KANK2: variants seen among roughly 807,000 people sequenced by gnomAD.
KANK2 encodes KN motif and ankyrin repeat domains 2.
A neutral mutation model predicts 74.6 loss-of-function variants in KANK2; 41 were observed. That is an observed-to-expected ratio of 0.55 (90% CI 0.43 to 0.71). KANK2 has a LOEUF of 0.71. Ranked by LOEUF, KANK2 falls within the 30% of genes least tolerant of loss-of-function variation. The pLI is 0.00. For synonymous variants in KANK2, 537 were observed against 519.0 expected (o/e 1.03, Z -0.47); for missense variants, 1,148 against 1,196.4 (o/e 0.96, Z 0.60).
chr19:11,182,523 C>T (rs2078550764), intron 4 of KANK2, among the ~76,000 whole-genome samples: 1 of 137,702 alleles, frequency 7.3e-6, no homozygotes, highest in African/African-American at 2.7e-5. Context: ...GAGACCCTAT[C>T]TTTAAAAAAA....
At chr19:11,192,530 G>T in intron 4 of KANK2, 1 of 362,760 alleles carries the variant, frequency 2.8e-6, no homozygotes, top group South Asian at 2.1e-5. Flanking sequence ...CGCTTCCCTA[G>T]TTCAAGCGAT....
intron 6 of KANK2, among the ~76,000 whole-genome samples, chr19:11,177,084 C>T (rs1467075059): frequency 6.8e-6 from 1 of 147,246 alleles, no homozygotes. Context: ...TTCTAGCATA[C>T]TCACCCTCCT....
chr19:11,184,362 C>T (rs915503448), intron 4 of KANK2, among the ~76,000 whole-genome samples: 2 of 145,650 alleles, frequency 1.4e-5, no homozygotes, highest in Non-Finnish European at 3.1e-5. Context: ...GATGACAGAG[C>T]GAAACTCTGT....
rs149142528 is a variant in KANK2 at position 11,178,631 on chromosome 19, C to T, written c.1339G>A (p.Val447Met). The T allele has an allele frequency of 2.7e-3, 4,248 of 1,594,856 alleles. 77 individuals carry two copies. The African/African-American group carries it at 0.048, about 18-fold the overall frequency. The change falls in exon 5 of 13, where the codon GTG (valine) becomes ATG (methionine). Residue 447 changes from valine to methionine, a missense_variant. Physicochemically the swap from Val to Met is conservative, Grantham distance 21. Transcript: ENST00000586659. ...LTQPEKSTGRVPTQEPTHREP... is the reference protein window; with the variant it reads ...LTQPEKSTGRMPTQEPTHREP... ...CTGTGGGTGGGCTCCTGGGTGGGCA[C>T]TCGGCCTGTGCTCTTCTCAGGCTGT...
At chr19:11,173,610 G>C (rs769435122) in intron 9 of KANK2, among the ~76,000 whole-genome samples, 5 of 152,182 alleles carry the variant, frequency 3.3e-5, no homozygotes, top group African/African-American at 4.8e-5. Context: ...CATCATGCAG[G>C]CGTGTTAGGT....
chr19:11,191,518 C>A (rs1040936598), intron 4 of KANK2, among the ~76,000 whole-genome samples: 3 of 152,226 alleles, frequency 2.0e-5, no homozygotes, highest in East Asian at 1.9e-4. Context: ...TCCCCTACCC[C>A]CGGCGTCCAT....
intron 9 of KANK2, 69 bp from the exon 10 acceptor site, chr19:11,173,192 A>AT: frequency 4.0e-6 from 6 of 1,515,642 alleles, no homozygotes; most frequent in Non-Finnish European, 5.4e-6. Context: ...GAACGTGGAT[A>AT]CCACGTCTCG....
chr19:11,194,248 C>G (rs2078951590), intron 3 of KANK2, among the ~76,000 whole-genome samples: 1 of 152,086 alleles, frequency 6.6e-6, no homozygotes, highest in Non-Finnish European at 1.5e-5. Context: ...CCTCTCAAAT[C>G]CCCCAGGACA....
intron 12 of KANK2, among the ~76,000 whole-genome samples, chr19:11,168,585 T>C (rs1038820147): frequency 6.6e-6 from 1 of 152,082 alleles, no homozygotes; most frequent in Non-Finnish European, 1.5e-5. Flanking sequence ...CCTGATTGTG[T>C]CTCTTACCAG....
chr19:11,186,785 G>A (rs766469406), intron 4 of KANK2, among the ~76,000 whole-genome samples: 2 of 152,200 alleles, frequency 1.3e-5, no homozygotes, highest in Non-Finnish European at 2.9e-5. Flanking sequence ...ACCGGAGCAC[G>A]GTGTTAGGAG....
At position 11,192,431 on chromosome 19, in the gene KANK2, C is replaced by CTTTTT. The variant is rs34285924; in HGVS notation, c.1249+395_1249+399dup. On this transcript the variant is annotated intron_variant, in intron 4 of 12. Transcript: ENST00000586659. The stretch of plus-strand genomic sequence containing the variant: ...GGGGCTGGGGCTGGACCTTGGCATT[C>CTTTTT]TTTTTTTTTTTTTTTTTTTTTGAGA... 4.8e-4 allele frequency: 77 copies of CTTTTT among 159,908 alleles called. 5 individuals carry two copies. Among genetic ancestry groups the CTTTTT allele is most frequent in the Admixed American group, 7.8e-4 (9 of 11,540 alleles). 9.9% of individuals were successfully genotyped at this position (159,908 alleles called of 1,614,324 possible). A position where few individuals can be genotyped will look rare whatever the true frequency, so the allele number is the denominator to read the frequency against.
At chr19:11,174,389 G>T (rs1568643636) in intron 9 of KANK2, 84 bp downstream of exon 9, 1 of 1,087,798 alleles carries the variant, frequency 9.2e-7, no homozygotes, top group African/African-American at 1.6e-5. Context: ...CATCAGATGG[G>T]GAGGGCAGTG....
At chr19:11,187,764 C>T (rs575057339) in intron 4 of KANK2, among the ~76,000 whole-genome samples, 42 of 152,210 alleles carry the variant, frequency 2.8e-4, no homozygotes, top group Non-Finnish European at 4.7e-4. Flanking sequence ...TAAATATGTG[C>T]ATTTTTTTGC....
At chr19:11,175,549 G>A (rs1022547129) in intron 8 of KANK2, among the ~76,000 whole-genome samples, 1 of 150,186 alleles carries the variant, frequency 6.7e-6, no homozygotes, top group African/African-American at 2.5e-5. Flanking sequence ...GCCTCCCAAA[G>A]CACCAGGATG....
At chr19:11,168,614 G>A (rs2078089251) in intron 12 of KANK2, among the ~76,000 whole-genome samples, 1 of 152,126 alleles carries the variant, frequency 6.6e-6, no homozygotes, top group South Asian at 2.1e-4. Flanking sequence ...CTCCATAAGG[G>A]TGGATACTGT....
chr19:11,172,023 T>C (rs1293929215), intron 10 of KANK2, among the ~76,000 whole-genome samples: 1 of 148,976 alleles, frequency 6.7e-6, no homozygotes, highest in Non-Finnish European at 1.5e-5. Flanking sequence ...TAGCCCAGGC[T>C]GGAGGACAGT....
At chr19:11,191,004 T>C (rs1187802644) in intron 4 of KANK2, among the ~76,000 whole-genome samples, 1 of 148,462 alleles carries the variant, frequency 6.7e-6, no homozygotes, top group Non-Finnish European at 1.5e-5. Context: ...GTGCTGGGAT[T>C]ACAGGCGTGA....
Position 11,189,179 on chromosome 19 carries a change from C to A in KANK2, c.1249+3652G>T, listed in dbSNP as rs546235860. 7.0e-4 allele frequency among the ~76,000 whole-genome samples: 100 copies of A among 143,146 alleles called. 1 individual carries two copies. The highest frequency in any genetic ancestry group is 5.9e-3 in the Admixed American group (78 of 13,128). The allele number at this position is 143,146 out of a possible 152,430, so 93.9% of individuals were successfully genotyped here. A position where few individuals can be genotyped will look rare whatever the true frequency, so the allele number is the denominator to read the frequency against. On this transcript the variant is annotated intron_variant, in intron 4 of 12. Transcript: ENST00000586659. ...TGGTCACAACTCACTGTAGCCTCGA[C>A]CCCCTGGGCTCAAGCAGTCCTCCTG...
chr19:11,194,094 A>C, intron 3 of KANK2, 52 bp from the exon 4 acceptor site: 1 of 1,541,184 alleles, frequency 6.5e-7, no homozygotes, highest in Non-Finnish European at 8.7e-7. Context: ...CCCCATTCTC[A>C]GGGTGAAGAC....
Sources: gnomAD v4.1 joint callset for allele counts (sites outside exome capture counted in the v4.1 genomes callset) on GRCh38, gnomAD v4.1.1 for gene constraint, MANE v1.5 for transcripts, NCBI Gene and HGNC (gene_info 2026-07-23, HGNC 2026-07-21) for gene names.